The following HIPK3 variants were observed in gnomAD, a reference collection of about 807,000 sequenced individuals.
HIPK3 encodes homeodomain-interacting protein kinase 3.
HIPK3 carries 47 observed loss-of-function variants against 124.2 expected under a neutral mutation model. That is an observed-to-expected ratio of 0.38 (90% confidence interval 0.30 to 0.48). HIPK3 has a LOEUF of 0.48. Ranked by LOEUF, HIPK3 falls within the 20% of genes least tolerant of loss-of-function variation. The pLI is 0.98. For missense variants in HIPK3, 1,286 were observed against 1,454.3 expected (o/e 0.88, Z 1.88); for synonymous variants, 482 against 515.2 (o/e 0.94, Z 0.87).
chr11:33,340,938 A>G (rs775633865), intron 6 of HIPK3, 30 bp from the exon 7 acceptor site: 35 of 1,365,148 alleles, frequency 2.6e-5, no homozygotes, highest in Non-Finnish European at 3.5e-5. Flanking sequence ...TTAAAATAAT[A>G]CTGTAATACC....
At chr11:33,352,988 T>A in intron 16 of HIPK3, 104 bp from the exon 17 acceptor site, 1 of 676,876 alleles carries the variant, frequency 1.5e-6, no homozygotes, top group Non-Finnish European at 2.5e-6. Context: ...AGATCCACTA[T>A]GAGTTATCAA....
intron 3 of HIPK3, among the ~76,000 whole-genome samples, chr11:33,334,028 G>T (rs560935203): frequency 6.6e-6 from 1 of 152,214 alleles, no homozygotes; most frequent in South Asian, 2.1e-4. Flanking sequence ...CTACTTAGTG[G>T]GTGGGAGGTG....
rs1904860 is a variant in HIPK3 at position 33,301,326 on chromosome 11, G to A, written c.1097+13815G>A. ...AAATACTGTGTTCCAAAGTTACTTA[G>A]GTTAGTTCCTCCCCAAACTCCTTCT... On this transcript the variant is annotated intron_variant, in intron 2 of 16. Coordinates refer to ENST00000303296, the MANE Select transcript of HIPK3 (RefSeq NM_005734.5). Among the ~76,000 whole-genome samples, 26 of 152,194 alleles carry A rather than the reference G, an allele frequency of 1.7e-4. 1 individual carries two copies. The highest frequency in any genetic ancestry group is 6.8e-3 in the Middle Eastern group (2 of 294).
chr11:33,272,150 C>T (rs1299461071), intron 1 of HIPK3, among the ~76,000 whole-genome samples: 2 of 152,158 alleles, frequency 1.3e-5, no homozygotes. Context: ...GTAATCCCAG[C>T]ACTTTGGGAG....
At chr11:33,328,744 A>G in intron 3 of HIPK3, 111 bp downstream of exon 3, 2 of 876,994 alleles carry the variant, frequency 2.3e-6, no homozygotes, top group South Asian at 4.4e-5. Context: ...TTTTTAACAT[A>G]AAGTGGCAGA....
At chr11:33,323,657 A>G (rs762328016) in intron 2 of HIPK3, among the ~76,000 whole-genome samples, 6 of 152,220 alleles carry the variant, frequency 3.9e-5, no homozygotes, top group Non-Finnish European at 8.8e-5. Flanking sequence ...CTTCTAGTGG[A>G]TAAAATGAAA....
chr11:33,258,282 C>T lies in HIPK3; in HGVS notation c.-3+393C>T, dbSNP rs1050393552. On this transcript the variant is annotated intron_variant, in intron 1 of 16. Transcript: ENST00000303296. ...TTTTGTTTAGTCCCACGGGGAGCCTCTCTTCCCCCTCCGCAGTCCTAGGCC... is the reference window on the plus strand; with the variant it reads ...TTTTGTTTAGTCCCACGGGGAGCCTTTCTTCCCCCTCCGCAGTCCTAGGCC... The T allele has an allele frequency of 6.0e-5, 59 of 984,916 alleles. No homozygotes were observed. In the African/African-American group the frequency reaches 9.4e-4, roughly 16 times the overall value. The allele number at this position is 984,916 out of a possible 1,614,324, so 61.0% of individuals were successfully genotyped here. A position where few individuals can be genotyped will look rare whatever the true frequency, so the allele number is the denominator to read the frequency against.
At chr11:33,327,250 C>T (rs1852837383) in intron 2 of HIPK3, among the ~76,000 whole-genome samples, 1 of 152,048 alleles carries the variant, frequency 6.6e-6, no homozygotes, top group East Asian at 1.9e-4. Flanking sequence ...ATCAGAATTG[C>T]ATGCCTAATA....
At chr11:33,338,273 T>TG (rs1373274053) in intron 4 of HIPK3, among the ~76,000 whole-genome samples, 2 of 152,030 alleles carry the variant, frequency 1.3e-5, no homozygotes, top group Non-Finnish European at 2.9e-5. Context: ...CTTACTCTGT[T>TG]GCAAGGCTGG....
chr11:33,285,953 G>C lies in HIPK3; in HGVS notation c.-2-460G>C, dbSNP rs930742637. Reference sequence around the variant, plus strand: ...TCCCCAGCTAATTTTTGCATTATTAGTAGAGTTGGGATTTCTTCACCGTGT... The same window carrying C: ...TCCCCAGCTAATTTTTGCATTATTACTAGAGTTGGGATTTCTTCACCGTGT... On this transcript the variant is annotated intron_variant, in intron 1 of 16. Transcript: ENST00000303296. Among the ~76,000 whole-genome samples the C allele has an allele frequency of 1.4e-4, 22 of 152,136 alleles. 1 individual carries two copies. The East Asian group carries it at 1.9e-3, about 13-fold the overall frequency.
Position 33,351,811 on chromosome 11 carries a change from G to A in HIPK3, c.3011G>A (p.Gly1004Asp). Reference protein sequence around the residue: ...VVVPPVELENGLNADEHMANT... With the variant: ...VVVPPVELENDLNADEHMANT... ...GTGCCACCAGTGGAACTAGAAAATG[G>A]CTTAAATGCCGATGAGCATATGGCA... The change falls in exon 15 of 17, where the codon GGC becomes GAC. Residue 1004 changes from glycine (G) to aspartate (D), a missense_variant. By Grantham distance (94) the Gly-to-Asp change is moderately conservative. Transcript: ENST00000303296. The A allele has an allele frequency of 1.2e-5, 19 of 1,614,104 alleles. No homozygotes were observed. The highest frequency in any genetic ancestry group is 1.5e-5 in the Non-Finnish European group (18 of 1,179,976).
chr11:33,337,909 T>G (rs1402444882), intron 4 of HIPK3, among the ~76,000 whole-genome samples: 1 of 152,168 alleles, frequency 6.6e-6, no homozygotes, highest in Non-Finnish European at 1.5e-5. Context: ...CCTGACCTTG[T>G]GATCCGCCTG....
chr11:33,285,633 C>G (rs1407711947), intron 1 of HIPK3, among the ~76,000 whole-genome samples: 1 of 151,116 alleles, frequency 6.6e-6, no homozygotes, highest in Non-Finnish European at 1.5e-5. Context: ...CCTCCTGAGG[C>G]AATTCTTGGG....
chr11:33,341,443 A>G, intron 7 of HIPK3, 120 bp from the exon 8 acceptor site: 9 of 1,080,564 alleles, frequency 8.3e-6, no homozygotes, highest in Non-Finnish European at 1.1e-5. Flanking sequence ...TTTTGTTCTC[A>G]TTTTCTGGAC....
intron 1 of HIPK3, among the ~76,000 whole-genome samples, chr11:33,279,838 C>A (rs1255292543): frequency 6.6e-6 from 1 of 151,990 alleles, no homozygotes; most frequent in African/African-American, 2.4e-5. Context: ...TCAAAGATGG[C>A]GCCCTTTTGC....
chr11:33,309,702 T>G (rs971440721), intron 2 of HIPK3, among the ~76,000 whole-genome samples: 9 of 152,230 alleles, frequency 5.9e-5, no homozygotes, highest in African/African-American at 1.4e-4. Context: ...CGACATTTGC[T>G]TTATCCCATC....
chr11:33,352,104 AG>A (rs1853680323), intron 15 of HIPK3, 33 bp from the exon 16 acceptor site: 2 of 1,587,290 alleles, frequency 1.3e-6, no homozygotes, highest in African/African-American at 2.7e-5. Context: ...AAAAGGAAAA[AG>A]CATAAACTCT....
At chr11:33,271,743 A>G (rs1851129196) in intron 1 of HIPK3, among the ~76,000 whole-genome samples, 1 of 152,182 alleles carries the variant, frequency 6.6e-6, no homozygotes, top group Non-Finnish European at 1.5e-5. Context: ...TTACATATGC[A>G]ACTTAAATTT....
intron 1 of HIPK3, among the ~76,000 whole-genome samples, chr11:33,274,870 G>A (rs1020664798): frequency 6.6e-6 from 1 of 152,152 alleles, no homozygotes; most frequent in African/African-American, 2.4e-5. Flanking sequence ...TTAACATGCT[G>A]ATTTGTGTTA....
Sources: allele counts gnomAD v4.1 joint callset (sites outside exome capture counted in the v4.1 genomes callset), GRCh38; gene constraint gnomAD v4.1.1; transcripts MANE v1.5; gene names NCBI Gene and HGNC (gene_info 2026-07-23, HGNC 2026-07-21).